Variants in WDFY3 observed in about 807,000 individuals in gnomAD.
The protein encoded by WDFY3 is WD repeat and FYVE domain-containing protein 3.
WDFY3 carries 66 observed loss-of-function variants against 409.6 expected under a neutral mutation model. The observed-to-expected ratio is 0.16, with a 90% CI of 0.13 to 0.20. The LOEUF (loss-of-function observed/expected upper bound fraction) is 0.20, where lower values mean the gene tolerates loss of function less well. Ranked by LOEUF, WDFY3 falls within the 10% of genes least tolerant of loss-of-function variation. The pLI, the probability that WDFY3 is intolerant of heterozygous loss-of-function variation, is 1.00. For synonymous variants in WDFY3, 1,521 were observed against 1,537.1 expected, an observed-to-expected ratio of 0.99 and a Z score of 0.25; for missense variants, 3,031 against 4,298.1, an observed-to-expected ratio of 0.71 and a Z score of 8.24.
At chr4:84,937,929 T>G (rs1384723753) in intron 1 of WDFY3, among the ~76,000 whole-genome samples, 1 of 152,156 alleles carries the variant, frequency 6.6e-6, no homozygotes, top group African/African-American at 2.4e-5. Context: ...AGACCCCCAG[T>G]ACATTTTTCC....
In WDFY3 at chr4:84,696,534, T is replaced by TTA. The variant is rs140250338; in HGVS notation, c.8688+196_8688+197dup. On this transcript the variant is annotated intron_variant, in intron 57 of 67. Coordinates refer to ENST00000295888, the MANE Select transcript of WDFY3 (RefSeq NM_014991.6). ...ATATATGTATAGGAAAATACATAGT[T>TTA]TATATATATATATAGGGTTTGGTAC... 3.2e-3 allele frequency among the ~76,000 whole-genome samples: 486 copies of TTA among 151,330 alleles called. 4 individuals carry two copies. Among genetic ancestry groups the TTA allele is most frequent in the African/African-American group, 9.5e-3 (393 of 41,260 alleles).
chr4:84,829,342 A>G, intron 8 of WDFY3, 152 bp from the exon 9 acceptor site: 2 of 640,090 alleles, frequency 3.1e-6, no homozygotes, highest in Non-Finnish European at 5.0e-6. Flanking sequence ...AAGTCAATAT[A>G]AGAGTCATAT....
chr4:84,805,784 C>T (rs1751406501), intron 15 of WDFY3, among the ~76,000 whole-genome samples: 1 of 152,108 alleles, frequency 6.6e-6, no homozygotes. Context: ...CAAGTACTTG[C>T]CACCTTTTGT....
chr4:84,766,413 A>G, intron 30 of WDFY3, 41 bp from the exon 31 acceptor site: 1 of 1,529,568 alleles, frequency 6.5e-7, no homozygotes. Flanking sequence ...CTAGTAGATA[A>G]GCTAAAAGAA....
chr4:84,851,717 A>T (rs1560924724), intron 4 of WDFY3, among the ~76,000 whole-genome samples: 1 of 152,146 alleles, frequency 6.6e-6, no homozygotes, highest in Non-Finnish European at 1.5e-5. Context: ...AGCATGAAAA[A>T]ATATATATAT....
intron 3 of WDFY3, among the ~76,000 whole-genome samples, chr4:84,865,765 G>A (rs568059511): frequency 2.2e-4 from 34 of 152,126 alleles, no homozygotes; most frequent in African/African-American, 7.5e-4. Context: ...AGTCTGACAC[G>A]TTGCTCTTTT....
chr4:84,964,453 G>A (rs1368388108), intron 1 of WDFY3, among the ~76,000 whole-genome samples: 6 of 152,180 alleles, frequency 3.9e-5, no homozygotes, highest in East Asian at 1.9e-4. Flanking sequence ...TGGGCAACAG[G>A]GCAAGACCCT....
intron 17 of WDFY3, among the ~76,000 whole-genome samples, chr4:84,798,980 T>G (rs531233263): frequency 3.5e-4 from 53 of 152,290 alleles, no homozygotes; most frequent in African/African-American, 1.3e-3. Context: ...CTCCCATCTT[T>G]CCCGCAATCA....
intron 55 of WDFY3, among the ~76,000 whole-genome samples, chr4:84,703,570 G>A (rs949492030): frequency 2.6e-5 from 4 of 152,140 alleles, no homozygotes; most frequent in African/African-American, 9.7e-5. Context: ...CTGGCCCCCG[G>A]GCTGCTCCTC....
intron 5 of WDFY3, among the ~76,000 whole-genome samples, chr4:84,847,815 A>G (rs1261461357): frequency 1.3e-5 from 2 of 150,214 alleles, no homozygotes; most frequent in Non-Finnish European, 3.0e-5. Flanking sequence ...AAAAAAACAA[A>G]AAAAACCCCA....
At chr4:84,689,062 C>A (rs2148835784) in intron 61 of WDFY3, among the ~76,000 whole-genome samples, 1 of 152,340 alleles carries the variant, frequency 6.6e-6, no homozygotes, top group South Asian at 2.1e-4. Context: ...GAGTTGGCTT[C>A]ATCTGCCGCC....
At position 84,821,329 on chromosome 4, in the gene WDFY3, T is replaced by G; in HGVS notation, c.1346A>C (p.Glu449Ala). 6.2e-7 allele frequency: 1 copy of G among 1,613,808 alleles called. No individual in the cohort carries two copies. Among genetic ancestry groups the G allele is most frequent in the South Asian group, 1.1e-5 (1 of 91,072 alleles). ...ATAATTTAAGCTAAAAACAACAAAC[T>G]CCAGCATCTCAAAGTATTTGTTTTG... is the stretch of plus-strand genomic sequence containing the variant. Reference protein sequence around the residue: ...EVQNKYFEMLEFVVFSLNYIP... With the variant: ...EVQNKYFEMLAFVVFSLNYIP... The change falls in exon 11 of 68, where the codon GAG becomes GCG. Residue 449 changes from glutamate (E) to alanine (A), a missense_variant. Glu to Ala is a moderately radical substitution (Grantham distance 107). Transcript: ENST00000295888.
At chr4:84,923,882 C>A (rs1025454542) in intron 2 of WDFY3, among the ~76,000 whole-genome samples, 4 of 152,132 alleles carry the variant, frequency 2.6e-5, no homozygotes, top group Non-Finnish European at 5.9e-5. Flanking sequence ...ACCCATAGTA[C>A]CAGCTATTCG....
intron 60 of WDFY3, among the ~76,000 whole-genome samples, chr4:84,691,094 C>T (rs1729186199): frequency 6.6e-6 from 1 of 152,156 alleles, no homozygotes; most frequent in Non-Finnish European, 1.5e-5. Flanking sequence ...TATGCAGATT[C>T]TTTTCGTCTT....
At chr4:84,943,936 T>A (rs1361374802) in intron 1 of WDFY3, among the ~76,000 whole-genome samples, 5 of 152,212 alleles carry the variant, frequency 3.3e-5, no homozygotes, top group Non-Finnish European at 7.3e-5. Flanking sequence ...TCTTCCAATT[T>A]GACCTCTGAA....
chr4:84,787,031 A>G (rs1221058387), intron 23 of WDFY3, among the ~76,000 whole-genome samples: 2 of 152,218 alleles, frequency 1.3e-5, no homozygotes, highest in African/African-American at 4.8e-5. Flanking sequence ...TTTGGGAGAA[A>G]GGATAACAAA....
At position 84,820,073 on chromosome 4, in the gene WDFY3, T is replaced by C. The variant is rs376185573; in HGVS notation, c.1693+12A>G. 2.5e-6 allele frequency: 4 copies of C among 1,590,528 alleles called. No individual in the cohort carries two copies. In the African/African-American group the frequency reaches 5.4e-5, roughly 22 times the overall value. ...ATCTCCCAAAGTATTTGCTTGCAGC[T>C]TTTTAAATTACCTGCATTTGTGTTT... On this transcript the variant is annotated intron_variant, in intron 12 of 67. Coordinates refer to ENST00000295888, the MANE Select transcript of WDFY3 (RefSeq NM_014991.6).
At chr4:84,732,910 C>T (rs1269080647) in intron 44 of WDFY3, among the ~76,000 whole-genome samples, 1 of 152,128 alleles carries the variant, frequency 6.6e-6, no homozygotes, top group African/African-American at 2.4e-5. Context: ...TTCAAGCTGC[C>T]TCACCTTATA....
In WDFY3 at chr4:84,810,449, T is replaced by G. The variant is rs1752312234; in HGVS notation, c.1888-105A>C. 8 of 1,005,396 alleles carry G rather than the reference T, an allele frequency of 8.0e-6. No homozygotes were observed. The South Asian group carries it at 1.3e-4, about 17-fold the overall frequency. 62.3% of individuals were successfully genotyped at this position (1,005,396 alleles called of 1,614,324 possible). ...GGTTGTACATTCTGTGAATCTGACA[T>G]GTTTTTATCATTTACCCAATAAACG... On this transcript the variant is annotated intron_variant, in intron 13 of 67. Transcript: ENST00000295888.
Sources: allele counts gnomAD v4.1 joint callset (sites outside exome capture counted in the v4.1 genomes callset), GRCh38; gene constraint gnomAD v4.1.1; transcripts MANE v1.5; gene names NCBI Gene and HGNC (gene_info 2026-07-23, HGNC 2026-07-21).